Variants in PTGFRN observed in about 807,000 individuals in gnomAD.
PTGFRN encodes prostaglandin F2 receptor negative regulator.
Under a neutral mutation model 83.2 loss-of-function variants are expected in PTGFRN, and 35 were observed. The ratio of observed to expected loss-of-function variants is 0.42; its 90% CI spans 0.32 to 0.56. The LOEUF (loss-of-function observed/expected upper bound fraction) is 0.56. PTGFRN is among the 20% of genes least tolerant of loss of function. The probability of loss-of-function intolerance (pLI) is 0.11; values close to 1 mark genes in which losing one functional copy is unlikely to be tolerated. For synonymous variants in PTGFRN, 519 were observed against 498.6 expected, an observed-to-expected ratio of 1.04 and a Z score of -0.55; for missense variants, 1,051 against 1,179.5, an observed-to-expected ratio of 0.89 and a Z score of 1.60.
chr1:116,980,036 A>G (rs1287519482), intron 7 of PTGFRN, among the ~76,000 whole-genome samples: 1 of 146,110 alleles, frequency 6.8e-6, no homozygotes, highest in Non-Finnish European at 1.5e-5. Context: ...AAACAACCCC[A>G]TCAAAAAGTG....
chr1:116,953,853 C>CTTTTTTTTTTTT (rs531278323), intron 4 of PTGFRN, among the ~76,000 whole-genome samples: 2 of 135,044 alleles, frequency 1.5e-5, no homozygotes, highest in Non-Finnish European at 1.6e-5. Flanking sequence ...ATGAATATTT[C>CTTTTTTTTTTTT]TTTTTTTTTT....
intron 3 of PTGFRN, among the ~76,000 whole-genome samples, chr1:116,946,784 T>C (rs1650211594): frequency 1.3e-5 from 2 of 152,228 alleles, no homozygotes; most frequent in African/African-American, 4.8e-5. Context: ...AAAATAATTA[T>C]ATAGAAATCG....
chr1:116,946,419 T>C lies in PTGFRN; in HGVS notation c.832+1327T>C, dbSNP rs1050727620. Among the ~76,000 whole-genome samples the C allele has an allele frequency of 6.0e-4, 91 of 152,334 alleles. 1 individual carries two copies. The highest frequency in any genetic ancestry group is 7.9e-4 in the Non-Finnish European group (54 of 68,030). On this transcript the variant is annotated intron_variant, in intron 3 of 8. Transcript: ENST00000393203. ...AATCGCTTTCCAGATGGACTTAGGT[T>C]ACCTTCCTGATCAGAAGTGATCGCT...
At chr1:116,959,390 G>C (rs899069333) in intron 4 of PTGFRN, among the ~76,000 whole-genome samples, 2 of 152,182 alleles carry the variant, frequency 1.3e-5, no homozygotes, top group Non-Finnish European at 2.9e-5. Flanking sequence ...TTAAATACTT[G>C]TGAAGATGAC....
rs532506839 is a variant in PTGFRN, at chr1:116,943,831, T to C, written c.419-848T>C. 1.6e-4 allele frequency among the ~76,000 whole-genome samples: 24 copies of C among 152,154 alleles called. 1 individual carries two copies. The South Asian group carries it at 4.6e-3, about 29-fold the overall frequency. ...ACTGAATTAGTTTCTGAATATGGAA[T>C]TGGGGGGAAAAAAAAACAGATGATG... On this transcript the variant is annotated intron_variant, in intron 2 of 8. Coordinates refer to ENST00000393203, the MANE Select transcript of PTGFRN (RefSeq NM_020440.4).
In PTGFRN at chr1:116,923,880, T is replaced by G. The variant is rs914181437; in HGVS notation, c.49+13628T>G. Among the ~76,000 whole-genome samples, 12 of 152,186 alleles carry G rather than the reference T, an allele frequency of 7.9e-5. No homozygotes were observed. In the East Asian group the frequency reaches 1.9e-3, roughly 25 times the overall value. ...GCATTATTCTGGATCTGGGGGCACC[T>G]AAAAACATAGATCGACACAGTCCTT... On this transcript the variant is annotated intron_variant, in intron 1 of 8. Coordinates refer to ENST00000393203, the MANE Select transcript of PTGFRN (RefSeq NM_020440.4). The surrounding 1 kb of genome is among the most constrained non-coding windows in gnomAD (Gnocchi z 4.0).
chr1:116,954,388 C>T lies in PTGFRN; in HGVS notation c.1213+4816C>T, dbSNP rs188627082. Among the ~76,000 whole-genome samples, 101 of 150,626 alleles carry T rather than the reference C, an allele frequency of 6.7e-4. 2 individuals carry two copies. The East Asian group carries it at 0.017, about 26-fold the overall frequency. On this transcript the variant is annotated intron_variant, in intron 4 of 8. Transcript: ENST00000393203. ...GTTATACAAATGGTGATCGTGGTGTCATTTTGACGATTGGTCAATATGCTC... is the reference window on the plus strand; with the variant it reads ...GTTATACAAATGGTGATCGTGGTGTTATTTTGACGATTGGTCAATATGCTC...
chr1:116,986,271 G>A (rs1557752548), intron 8 of PTGFRN, among the ~76,000 whole-genome samples: 1 of 152,200 alleles, frequency 6.6e-6, no homozygotes, highest in Non-Finnish European at 1.5e-5. Context: ...TAAATCATCT[G>A]TACCATATTT....
intron 1 of PTGFRN, among the ~76,000 whole-genome samples, chr1:116,921,932 T>C (rs1458193074): frequency 6.6e-6 from 1 of 152,072 alleles, no homozygotes; most frequent in Non-Finnish European, 1.5e-5. Context: ...GGTATGAAAG[T>C]GGGCAGTACG....
At position 116,941,726 on chromosome 1, in the gene PTGFRN, G is replaced by C; in HGVS notation, c.61G>C (p.Gly21Arg). 6.2e-7 allele frequency: 1 copy of C among 1,610,824 alleles called. No homozygotes were observed. The highest frequency in any genetic ancestry group is 8.5e-7 in the Non-Finnish European group (1 of 1,177,958). The change falls in exon 2 of 9, where the codon GGG becomes CGG. Residue 21 changes from glycine to arginine, a missense_variant. Gly to Arg is a moderately radical substitution (Grantham distance 125, BLOSUM62 -2). Transcript: ENST00000393203. The surrounding 1 kb of genome is among the most constrained non-coding windows in gnomAD (Gnocchi z 5.0). ...LALLSLALCR[G>R]RVVRVPTATL... Reference sequence around the variant, plus strand: ...TTTTATCATTGCAGCTCTTTGCCGAGGGCGTGTGGTGAGAGTCCCCACAGC... The same window carrying C: ...TTTTATCATTGCAGCTCTTTGCCGACGGCGTGTGGTGAGAGTCCCCACAGC...
chr1:116,942,365 G>A (rs1424246073), intron 2 of PTGFRN, among the ~76,000 whole-genome samples: 1 of 152,192 alleles, frequency 6.6e-6, no homozygotes, highest in Non-Finnish European at 1.5e-5. Context: ...GCATGATGCG[G>A]TGGTGGAGAG....
Position 116,966,922 on chromosome 1 carries a change from G to A in PTGFRN, c.1651G>A (p.Val551Met). Reference protein sequence around the residue: ...IFWALEDSVLVVKARQPKPFF... With the variant: ...IFWALEDSVLMVKARQPKPFF... Reference sequence around the variant, plus strand: ...GTCATTCATTCCAGATTCCGTGCTTGTGGTGAAGGCGAGGCAGCCAAAGCC... The same window carrying A: ...GTCATTCATTCCAGATTCCGTGCTTATGGTGAAGGCGAGGCAGCCAAAGCC... The change falls in exon 6 of 9, where the codon GTG (valine) becomes ATG (methionine). Residue 551 changes from valine (V) to methionine (M), a missense_variant. By Grantham distance (21) the Val-to-Met change is conservative. Around this residue, in one of 3 missense-constraint regions of PTGFRN, gnomAD observed 719 missense variants for 836.6 expected, o/e 0.86. Transcript: ENST00000393203. 6.3e-7 allele frequency: 1 copy of A among 1,597,890 alleles called. No individual in the cohort carries two copies. The highest frequency in any genetic ancestry group is 1.7e-5 in the Admixed American group (1 of 59,522).
intron 1 of PTGFRN, among the ~76,000 whole-genome samples, chr1:116,930,795 C>T (rs947433270): frequency 3.9e-5 from 6 of 152,116 alleles, no homozygotes; most frequent in African/African-American, 1.4e-4. Flanking sequence ...TTTAGTCACC[C>T]TGTCTTCACC....
intron 6 of PTGFRN, among the ~76,000 whole-genome samples, chr1:116,969,238 G>A (rs574244876): frequency 1.4e-3 from 207 of 151,872 alleles, no homozygotes; most frequent in Admixed American, 3.0e-3. Context: ...ATAGTTTTAG[G>A]TCTTACATTT....
chr1:116,935,630 T>A (rs757619934), intron 1 of PTGFRN, among the ~76,000 whole-genome samples: 4 of 152,188 alleles, frequency 2.6e-5, no homozygotes, highest in Non-Finnish European at 5.9e-5. Flanking sequence ...CAACTTCCAA[T>A]GAAATACACA....
At chr1:116,948,283 G>A (rs1408390429) in intron 3 of PTGFRN, among the ~76,000 whole-genome samples, 1 of 152,178 alleles carries the variant, frequency 6.6e-6, no homozygotes, top group Admixed American at 6.5e-5. Context: ...CCATGTGAAA[G>A]CTTTGACAGG....
chr1:116,959,216 G>A (rs183899439), intron 4 of PTGFRN, among the ~76,000 whole-genome samples: 38 of 152,312 alleles, frequency 2.5e-4, no homozygotes, highest in Middle Eastern at 3.4e-3. Flanking sequence ...ACCATGCTCA[G>A]GTTCAGGACA....
intron 1 of PTGFRN, among the ~76,000 whole-genome samples, chr1:116,930,456 C>G (rs1649767163): frequency 6.6e-6 from 1 of 152,314 alleles, no homozygotes; most frequent in South Asian, 2.1e-4. Flanking sequence ...ACCCCCCACT[C>G]CCTCCGTGCA....
At chr1:116,965,500 A>G (rs1650798476) in intron 5 of PTGFRN, among the ~76,000 whole-genome samples, 1 of 151,944 alleles carries the variant, frequency 6.6e-6, no homozygotes. Context: ...GTCCAGGTTG[A>G]TCCCAAACTC....
Sources: gnomAD v4.1 joint callset for allele counts (sites outside exome capture counted in the v4.1 genomes callset) on GRCh38, gnomAD v4.1.1 for gene constraint, gnomAD v4.1.1 regional missense constraint, Gnocchi (gnomAD v3.1) non-coding constraint, MANE v1.5 for transcripts, NCBI Gene and HGNC (gene_info 2026-07-23, HGNC 2026-07-21) for gene names.